The following KIRREL3 variants were observed in gnomAD, a reference collection of about 807,000 sequenced individuals.
KIRREL3 encodes the protein kin of IRRE-like protein 3.
A neutral mutation model predicts 89.7 loss-of-function variants in KIRREL3; 36 were observed. The observed-to-expected ratio is 0.40, with a 90% CI of 0.31 to 0.53. The LOEUF (loss-of-function observed/expected upper bound fraction) is 0.53, where lower values mean the gene tolerates loss of function less well. Among genes scored for constraint, KIRREL3 ranks in the 20% least tolerant of loss-of-function variants. KIRREL3 has a pLI of 0.49. For synonymous variants in KIRREL3, 445 were observed against 441.4 expected, an observed-to-expected ratio of 1.01 and a Z score of -0.10; for missense variants, 864 against 1,056.6, an observed-to-expected ratio of 0.82 and a Z score of 2.53.
intron 1 of KIRREL3, among the ~76,000 whole-genome samples, chr11:126,621,789 T>C (rs1231259197): frequency 3.3e-5 from 5 of 152,258 alleles, no homozygotes; most frequent in East Asian, 1.9e-4. Context: ...ATAATCCCTA[T>C]TGATTTTATT....
rs569816569 is a variant in KIRREL3, at chr11:126,459,680, T to G, written c.743-3226A>C. ...GAACTGAGATCACATTGAACAGATG[T>G]TACAGCTGAGAGTCTGTTAGTGTTT... is the stretch of plus-strand genomic sequence containing the variant. On this transcript the variant is annotated intron_variant, in intron 6 of 16. Transcript: ENST00000525144. This position sits in a 1 kb window ranked among gnomAD's most constrained non-coding sequence, Gnocchi z 4.8. Among the ~76,000 whole-genome samples, 3 of 152,334 alleles carry G rather than the reference T, an allele frequency of 2.0e-5. No individual in the cohort carries two copies. Among genetic ancestry groups the G allele is most frequent in the African/African-American group, 7.2e-5 (3 of 41,576 alleles).
rs1404471232 is a variant in KIRREL3, at chr11:126,996,844, G to A, written c.55+3611C>T. 2.0e-5 allele frequency among the ~76,000 whole-genome samples: 3 copies of A among 152,194 alleles called. No homozygotes were observed. In the East Asian group the frequency reaches 5.8e-4, roughly 29 times the overall value. Reference sequence around the variant, plus strand: ...GTACAGTGTGCATGCAAAGCCAAAAGATCTGGGTTCAGCAGAATTAGAACC... The same window carrying A: ...GTACAGTGTGCATGCAAAGCCAAAAAATCTGGGTTCAGCAGAATTAGAACC... On this transcript the variant is annotated intron_variant, in intron 1 of 16. Transcript: ENST00000525144. The surrounding 1 kb of genome is among the most constrained non-coding windows in gnomAD (Gnocchi z 4.7).
chr11:126,468,870 A>G (rs1428841590), intron 5 of KIRREL3, among the ~76,000 whole-genome samples: 2 of 152,208 alleles, frequency 1.3e-5, no homozygotes, highest in Non-Finnish European at 2.9e-5. Flanking sequence ...TGACATCACC[A>G]TGTTATGTTA....
chr11:126,887,423 G>T (rs1001309357), intron 1 of KIRREL3, among the ~76,000 whole-genome samples: 2 of 152,146 alleles, frequency 1.3e-5, no homozygotes, highest in African/African-American at 4.8e-5. Context: ...TTTCCAAGGA[G>T]AATTCTCCCC....
chr11:126,902,526 T>C (rs1946413167), intron 1 of KIRREL3, among the ~76,000 whole-genome samples: 1 of 152,260 alleles, frequency 6.6e-6, no homozygotes, highest in Non-Finnish European at 1.5e-5. Flanking sequence ...AATGCTCTCA[T>C]AAGTATATCC....
intron 1 of KIRREL3, among the ~76,000 whole-genome samples, chr11:126,951,402 T>C (rs1270159524): frequency 1.3e-5 from 2 of 152,180 alleles, no homozygotes; most frequent in African/African-American, 2.4e-5. Context: ...ATTTTCCAGT[T>C]TATTGCCTGC....
At position 126,697,372 on chromosome 11, in the gene KIRREL3, C is replaced by T. The variant is rs1947142277; in HGVS notation, c.56-134460G>A. On this transcript the variant is annotated intron_variant, in intron 1 of 16. Transcript: ENST00000525144. This position sits in a 1 kb window ranked among gnomAD's most constrained non-coding sequence, Gnocchi z 4.2. ...CCCTGACTTGGACAAGCCACTCAACCCCTAGGAACCTGTTTTCTTATCTAG... is the reference window on the plus strand; with the variant it reads ...CCCTGACTTGGACAAGCCACTCAACTCCTAGGAACCTGTTTTCTTATCTAG... Among the ~76,000 whole-genome samples the T allele has an allele frequency of 6.6e-6, 1 of 152,182 alleles. No individual in the cohort carries two copies. Among genetic ancestry groups the T allele is most frequent in the African/African-American group, 2.4e-5 (1 of 41,442 alleles).
In KIRREL3 at chr11:126,838,515, T is replaced by C. The variant is rs571349493; in HGVS notation, c.55+161940A>G. Among the ~76,000 whole-genome samples, 3 of 152,342 alleles carry C rather than the reference T, an allele frequency of 2.0e-5. No individual in the cohort carries two copies. In the South Asian group the frequency reaches 6.2e-4, roughly 32 times the overall value. On this transcript the variant is annotated intron_variant, in intron 1 of 16. Coordinates refer to ENST00000525144, the MANE Select transcript of KIRREL3 (RefSeq NM_032531.4). ...TGCTTTGATATTTCTTCCCTGTTAA[T>C]AGTTAATGGGTAAGAGGGGACATTT...
intron 1 of KIRREL3, among the ~76,000 whole-genome samples, chr11:126,573,477 C>A (rs1941083227): frequency 6.6e-6 from 1 of 151,714 alleles, no homozygotes; most frequent in Non-Finnish European, 1.5e-5. Flanking sequence ...CCACCCCAGC[C>A]CACACAGCAA....
At chr11:126,756,774 T>G (rs1949516656) in intron 1 of KIRREL3, among the ~76,000 whole-genome samples, 1 of 152,220 alleles carries the variant, frequency 6.6e-6, no homozygotes, top group Non-Finnish European at 1.5e-5. Flanking sequence ...GCTTTCTCCT[T>G]CCTTTGCTTT....
Position 126,553,954 on chromosome 11 carries a change from T to C in KIRREL3, c.133+8881A>G, listed in dbSNP as rs1314570403. Among the ~76,000 whole-genome samples the C allele has an allele frequency of 1.3e-5, 2 of 152,204 alleles. No individual in the cohort carries two copies. Among genetic ancestry groups the C allele is most frequent in the Admixed American group, 6.5e-5 (1 of 15,290 alleles). Reference sequence around the variant, plus strand: ...CGAAACAGGTTGGTGTCCATTCACATTGGAACTGCTGTCTGTCAACCAAAC... The same window carrying C: ...CGAAACAGGTTGGTGTCCATTCACACTGGAACTGCTGTCTGTCAACCAAAC... On this transcript the variant is annotated intron_variant, in intron 2 of 16. Transcript: ENST00000525144. The surrounding 1 kb of genome is among the most constrained non-coding windows in gnomAD (Gnocchi z 4.7).
Position 126,906,550 on chromosome 11 carries a change from AC to A in KIRREL3, c.55+93904del, listed in dbSNP as rs1360307897. Among the ~76,000 whole-genome samples, 3 of 150,938 alleles carry A rather than the reference AC, an allele frequency of 2.0e-5. No individual in the cohort carries two copies. The highest frequency in any genetic ancestry group is 6.6e-5 in the Admixed American group (1 of 15,178). On this transcript the variant is annotated intron_variant, in intron 1 of 16. Transcript: ENST00000525144. The surrounding 1 kb of genome is among the most constrained non-coding windows in gnomAD (Gnocchi z 4.1). ...CCCTCCAGCAGAGAAGTGGATAGGG[AC>A]CCCCCTGCCATGAAAAACAGCGTTG...
rs903660899 is a variant in KIRREL3 at position 126,844,129 on chromosome 11, T to A, written c.55+156326A>T. Among the ~76,000 whole-genome samples, 1 of 152,138 alleles carries A rather than the reference T, an allele frequency of 6.6e-6. No homozygotes were observed. Among genetic ancestry groups the A allele is most frequent in the Non-Finnish European group, 1.5e-5 (1 of 68,032 alleles). ...GGATGGGGACCCCTTTCCAGTAACA[T>A]CTTCCTGGTAACCCAGGTGGGACAA... is the stretch of plus-strand genomic sequence containing the variant. On this transcript the variant is annotated intron_variant, in intron 1 of 16. Coordinates refer to ENST00000525144, the MANE Select transcript of KIRREL3 (RefSeq NM_032531.4). This position sits in a 1 kb window ranked among gnomAD's most constrained non-coding sequence, Gnocchi z 4.8.
rs767175855 is a variant in KIRREL3, at chr11:126,981,515, T to A, written c.55+18940A>T. 1.4e-4 allele frequency among the ~76,000 whole-genome samples: 21 copies of A among 152,214 alleles called. No homozygotes were observed. Among genetic ancestry groups the A allele is most frequent in the Non-Finnish European group, 2.2e-4 (15 of 68,044 alleles). On this transcript the variant is annotated intron_variant, in intron 1 of 16. Coordinates refer to ENST00000525144, the MANE Select transcript of KIRREL3 (RefSeq NM_032531.4). This position sits in a 1 kb window ranked among gnomAD's most constrained non-coding sequence, Gnocchi z 4.2. ...AGTCACTAAGGAAGAGCTAAACACA[T>A]GGTCCCTGTTTCACTGAAATGAGAT...
chr11:126,836,575 T>C (rs1156861832), intron 1 of KIRREL3, among the ~76,000 whole-genome samples: 1 of 152,262 alleles, frequency 6.6e-6, no homozygotes, highest in Admixed American at 6.5e-5. Flanking sequence ...TTTTTCTTTA[T>C]CTTATTTACC....
chr11:126,507,787 A>G (rs771668902), intron 4 of KIRREL3, among the ~76,000 whole-genome samples: 1 of 152,176 alleles, frequency 6.6e-6, no homozygotes, highest in Non-Finnish European at 1.5e-5. Context: ...TGCCCAGGCC[A>G]TGTTGGCATT....
chr11:126,833,285 C>T (rs1278439910), intron 1 of KIRREL3, among the ~76,000 whole-genome samples: 1 of 152,190 alleles, frequency 6.6e-6, no homozygotes, highest in Non-Finnish European at 1.5e-5. Flanking sequence ...ATGAAATAGG[C>T]ACACCCACAC....
intron 2 of KIRREL3, among the ~76,000 whole-genome samples, chr11:126,536,964 C>T (rs1366489195): frequency 1.3e-5 from 2 of 152,034 alleles, no homozygotes; most frequent in African/African-American, 4.8e-5. Flanking sequence ...GTTCTCTTTC[C>T]ATCCATGCTT....
chr11:126,662,811 AAAG>A (rs142304600), intron 1 of KIRREL3, among the ~76,000 whole-genome samples: 3,749 of 152,270 alleles, frequency 0.025, 62 homozygotes, highest in African/African-American at 0.04. Context: ...GGAGGCAGAA[AAAG>A]AAGAAGAGAC....
Sources: gnomAD v4.1 joint callset for allele counts (sites outside exome capture counted in the v4.1 genomes callset) on GRCh38, gnomAD v4.1.1 for gene constraint, Gnocchi (gnomAD v3.1) non-coding constraint, MANE v1.5 for transcripts, NCBI Gene and HGNC (gene_info 2026-07-23, HGNC 2026-07-21) for gene names.